EBPL: variants seen among roughly 807,000 people sequenced by gnomAD.
EBPL encodes the protein EBP like.
A neutral mutation model predicts 19.0 loss-of-function variants in EBPL; 20 were observed. That is an observed-to-expected ratio of 1.05 (90% CI 0.74 to 1.53). The LOEUF is 1.53. EBPL is among the 40% of genes most tolerant of loss of function. The pLI is 0.00. For synonymous variants in EBPL, 107 were observed against 117.0 expected (o/e 0.91, Z 0.55); for missense variants, 219 against 261.1 (o/e 0.84, Z 1.11).
intron 1 of EBPL, among the ~76,000 whole-genome samples, chr13:49,687,609 C>T (rs1366382879): frequency 6.6e-6 from 1 of 152,208 alleles, no homozygotes; most frequent in African/African-American, 2.4e-5. Context: ...TCACCTTCTC[C>T]TCCTCAGAGG....
At chr13:49,669,874 CTAA>C (rs760978787) in intron 1 of EBPL, 28 bp from the exon 2 acceptor site, 2 of 1,566,992 alleles carry the variant, frequency 1.3e-6, no homozygotes, top group Non-Finnish European at 1.8e-6. Flanking sequence ...AAGACATGCT[CTAA>C]TACAGCATCA....
intron 2 of EBPL, among the ~76,000 whole-genome samples, chr13:49,669,211 G>GT (rs1282396332): frequency 1.3e-5 from 2 of 151,020 alleles, no homozygotes; most frequent in African/African-American, 4.9e-5. Context: ...TTTATGTATT[G>GT]TTTTTTAGAG....
intron 3 of EBPL, chr13:49,661,917 C>T: frequency 1.3e-6 from 2 of 1,550,440 alleles, no homozygotes; most frequent in Non-Finnish European, 8.7e-7. Context: ...TCACCCCAGG[C>T]CACTCTGTCC....
intron 1 of EBPL, among the ~76,000 whole-genome samples, chr13:49,687,522 T>G (rs576914247): frequency 6.6e-5 from 10 of 152,214 alleles, no homozygotes; most frequent in Admixed American, 2.0e-4. Flanking sequence ...AATGTTTCTA[T>G]AATGAGCCTT....
At chr13:49,678,408 T>C (rs976681821) in intron 1 of EBPL, among the ~76,000 whole-genome samples, 2 of 152,052 alleles carry the variant, frequency 1.3e-5, no homozygotes, top group South Asian at 2.1e-4. Flanking sequence ...GGAGCGGGGG[T>C]GGTGCCGGCT....
chr13:49,666,660 C>T lies in EBPL; in HGVS notation c.241+3117G>A, dbSNP rs1308704056. 3.0e-5 allele frequency among the ~76,000 whole-genome samples: 4 copies of T among 135,228 alleles called. No individual in the cohort carries two copies. The East Asian group carries it at 6.4e-4, about 22-fold the overall frequency. The allele number at this position is 135,228 out of a possible 152,430, so 88.7% of individuals were successfully genotyped here. ...CCAAGAGGCGGAGCTTGCAGTGAGC[C>T]GGGATAGCACCACTGCAGTCCAGCT... On this transcript the variant is annotated intron_variant, in intron 2 of 3. Transcript: ENST00000242827.
chr13:49,663,825 T>C (rs976547961), intron 2 of EBPL, among the ~76,000 whole-genome samples: 2 of 151,080 alleles, frequency 1.3e-5, no homozygotes, highest in African/African-American at 4.9e-5. Flanking sequence ...CAGTCCCAGC[T>C]GAGGCAGGAG....
At chr13:49,669,922 G>A (rs984021539) in intron 1 of EBPL, 76 bp from the exon 2 acceptor site, 63 of 1,153,522 alleles carry the variant, frequency 5.5e-5, no homozygotes, top group Non-Finnish European at 8.1e-5. Context: ...ACATGGCATT[G>A]CCTGGCTCCA....
At chr13:49,661,911 C>T (rs757976626) in intron 3 of EBPL, 3 of 1,550,502 alleles carry the variant, frequency 1.9e-6, no homozygotes. Flanking sequence ...ATCTATTCAC[C>T]CCAGGCCACT....
At chr13:49,664,428 T>C (rs904567464) in intron 2 of EBPL, among the ~76,000 whole-genome samples, 2 of 152,228 alleles carry the variant, frequency 1.3e-5, no homozygotes, top group African/African-American at 2.4e-5. Flanking sequence ...GCTGTGCTGC[T>C]TGGGGAGCCA....
chr13:49,661,763 AT>A, intron 3 of EBPL: 4 of 1,488,402 alleles, frequency 2.7e-6, no homozygotes, highest in Non-Finnish European at 3.6e-6. Context: ...GAAAAATTTA[AT>A]TTTTATTGCC....
chr13:49,684,433 G>A (rs1200097813), intron 1 of EBPL, among the ~76,000 whole-genome samples: 1 of 152,250 alleles, frequency 6.6e-6, no homozygotes, highest in Non-Finnish European at 1.5e-5. Flanking sequence ...CACTCCGGGA[G>A]GCCGAGGCAG....
At chr13:49,678,989 CAG>C (rs1953912420) in intron 1 of EBPL, among the ~76,000 whole-genome samples, 2 of 120,808 alleles carry the variant, frequency 1.7e-5, no homozygotes, top group South Asian at 2.8e-4. Flanking sequence ...GCCTGGGTGA[CAG>C]AGTGAGACTC....
chr13:49,690,791 G>T (rs376839101), intron 1 of EBPL, among the ~76,000 whole-genome samples: 2 of 152,140 alleles, frequency 1.3e-5, no homozygotes, highest in African/African-American at 4.8e-5. Flanking sequence ...AATGCGCCTG[G>T]CACACATTAG....
Position 49,691,421 on chromosome 13 carries a change from C to A in EBPL, c.4G>T (p.Gly2Cys). The change falls in exon 1 of 4, where the codon GGC (glycine) becomes TGC (cysteine). Residue 2 changes from glycine to cysteine, a missense_variant. By Grantham distance (159) the Gly-to-Cys change is radical. This residue lies in a region of EBPL where 170 missense variants were observed against 167.0 expected (regional missense o/e 1.02). Transcript: ENST00000242827. M[G>C]AEWELGAEAG... ...TCGGCCCCCAGCTCCCACTCAGCGC[C>A]CATGCTTCAGGCTTCCGACGCCAAC... is the stretch of plus-strand genomic sequence containing the variant. 7.5e-7 allele frequency: 1 copy of A among 1,341,096 alleles called. No homozygotes were observed. Among genetic ancestry groups the A allele is most frequent in the East Asian group, 2.8e-5 (1 of 35,998 alleles). 83.1% of individuals were successfully genotyped at this position (1,341,096 alleles called of 1,614,324 possible).
intron 1 of EBPL, among the ~76,000 whole-genome samples, chr13:49,687,589 G>T (rs1954012196): frequency 6.6e-6 from 1 of 152,220 alleles, no homozygotes; most frequent in Admixed American, 6.5e-5. Context: ...GGGTGGTAAA[G>T]ATCAAGACCT....
intron 1 of EBPL, among the ~76,000 whole-genome samples, chr13:49,688,202 TG>T (rs1240697547): frequency 3.3e-5 from 5 of 152,276 alleles, no homozygotes; most frequent in African/African-American, 1.2e-4. Flanking sequence ...TCTAGTATGT[TG>T]CCATGGCTCC....
At chr13:49,662,517 C>A (rs1423861950) in intron 3 of EBPL, among the ~76,000 whole-genome samples, 3 of 152,172 alleles carry the variant, frequency 2.0e-5, no homozygotes, top group African/African-American at 7.2e-5. Context: ...ACCATTCTTG[C>A]CTCTACAGAG....
intron 1 of EBPL, among the ~76,000 whole-genome samples, chr13:49,675,169 TG>T (rs1438106327): frequency 2.6e-5 from 4 of 152,260 alleles, no homozygotes; most frequent in African/African-American, 9.6e-5. Flanking sequence ...ACCTAGGTTG[TG>T]TAACACTTAC....
Sources: allele counts gnomAD v4.1 joint callset (sites outside exome capture counted in the v4.1 genomes callset), GRCh38; gene constraint gnomAD v4.1.1; regional missense constraint gnomAD v4.1.1; transcripts MANE v1.5; gene names NCBI Gene and HGNC (gene_info 2026-07-23, HGNC 2026-07-21).